Variants in SHPRH observed in about 807,000 individuals in gnomAD.
SHPRH encodes the protein SNF2 histone linker PHD RING helicase.
Under a neutral mutation model 202.5 loss-of-function variants are expected in SHPRH, and 106 were observed. That is an observed-to-expected ratio of 0.52 (90% CI 0.45 to 0.62). The LOEUF (loss-of-function observed/expected upper bound fraction) is 0.62. SHPRH is among the 20% of genes least tolerant of loss of function. The pLI is 0.00. For missense variants in SHPRH, 1,710 were observed against 2,020.0 expected (o/e 0.85, Z 2.94); for synonymous variants, 729 against 686.0 (o/e 1.06, Z -0.98).
At position 145,922,831 on chromosome 6, in the gene SHPRH, C is replaced by G. The variant is rs772273606; in HGVS notation, c.3551G>C (p.Arg1184Pro). 1 of 1,607,418 alleles carries G rather than the reference C, an allele frequency of 6.2e-7. No individual in the cohort carries two copies. The change falls in exon 19 of 30, where the codon CGT becomes CCT. Residue 1184 changes from arginine to proline, a missense_variant. Around this residue, in one of 8 missense-constraint regions of SHPRH, gnomAD observed 288 missense variants for 317.8 expected, o/e 0.91. Transcript: ENST00000275233. ...TGKLSMSEKF[R>P]DCRGLQFLLT... ...TAAGAACTGAAGACCTCTGCAATCA[C>G]GGAACCTGATTCCCACACCAGCACC...
intron 13 of SHPRH, among the ~76,000 whole-genome samples, chr6:145,933,919 T>C (rs942638227): frequency 7.9e-5 from 12 of 152,190 alleles, no homozygotes; most frequent in African/African-American, 2.9e-4. Flanking sequence ...AACGGTAATC[T>C]AACTCCCTGA....
intron 24 of SHPRH, among the ~76,000 whole-genome samples, chr6:145,912,652 T>C (rs975661042): frequency 1.6e-4 from 24 of 152,100 alleles, no homozygotes; most frequent in African/African-American, 7.2e-5. Flanking sequence ...GCAAATAAAG[T>C]ATTCTTGTGA....
At chr6:145,881,742 C>T (rs797002085), downstream of SHPRH, 3 of 151,698 alleles carry the variant, frequency 2.0e-5, no homozygotes, top group African/African-American at 7.3e-5. Flanking sequence ...AATACCTACA[C>T]ATACAGTTTC....
chr6:145,950,593 AGT>A (rs1385954133), intron 3 of SHPRH, 111 bp from the exon 4 acceptor site: 15 of 926,542 alleles, frequency 1.6e-5, no homozygotes, highest in African/African-American at 1.6e-5. Flanking sequence ...GGCCTTGCTC[AGT>A]GTGTTTTGTC....
chr6:145,942,464 A>C (rs1265886923), intron 9 of SHPRH, among the ~76,000 whole-genome samples: 1 of 152,228 alleles, frequency 6.6e-6, no homozygotes, highest in Non-Finnish European at 1.5e-5. Flanking sequence ...GAGCTTCTTA[A>C]CAGCAAAAAT....
intron 21 of SHPRH, among the ~76,000 whole-genome samples, chr6:145,920,446 A>T (rs1419114435): frequency 3.9e-5 from 6 of 152,118 alleles, no homozygotes; most frequent in Non-Finnish European, 8.8e-5. Flanking sequence ...TTGATGTTAT[A>T]AATGTATTCC....
downstream of SHPRH, among the ~76,000 whole-genome samples, chr6:145,881,325 G>T (rs528266267): frequency 6.6e-6 from 1 of 152,324 alleles, no homozygotes; most frequent in East Asian, 1.9e-4. Flanking sequence ...AGTTCCTCAT[G>T]GCTGGGGAGG....
At chr6:145,947,755 T>C (rs549218029) in intron 5 of SHPRH, 112 bp from the exon 6 acceptor site, 127 of 1,308,816 alleles carry the variant, frequency 9.7e-5, no homozygotes, top group East Asian at 1.3e-4. Context: ...TCTAAGTTTA[T>C]TGAAACTATA....
intron 1 of SHPRH, among the ~76,000 whole-genome samples, chr6:145,956,160 A>C (rs1192293458): frequency 6.6e-6 from 1 of 152,182 alleles, no homozygotes; most frequent in African/African-American, 2.4e-5. Flanking sequence ...TAAATAGAAC[A>C]TCAGAAACCT....
chr6:145,918,005 G>A (rs529637402), intron 23 of SHPRH, 126 bp downstream of exon 23: 2 of 573,114 alleles, frequency 3.5e-6, no homozygotes, highest in African/African-American at 3.9e-5. Context: ...GACATAGGTA[G>A]TGTTCTGACT....
At chr6:145,930,104 C>G (rs1269992360) in intron 14 of SHPRH, among the ~76,000 whole-genome samples, 2 of 152,120 alleles carry the variant, frequency 1.3e-5, no homozygotes, top group African/African-American at 2.4e-5. Context: ...TTGTCTAGAG[C>G]TATTTCTGCT....
rs1412282800 is a variant in SHPRH at position 145,885,647 on chromosome 6, A to C, written c.*1044T>G. On this transcript the variant is annotated 3_prime_UTR_variant, in exon 30 of 30. Transcript: ENST00000275233. ...ATTAATTCCTCACAGAAGAAGAAACACTTCGTTATTATCACTTGCAACGAT... is the reference window on the plus strand; with the variant it reads ...ATTAATTCCTCACAGAAGAAGAAACCCTTCGTTATTATCACTTGCAACGAT... 1 of 152,188 alleles carries C rather than the reference A, an allele frequency of 6.6e-6. No homozygotes were observed. The highest frequency in any genetic ancestry group is 1.5e-5 in the Non-Finnish European group (1 of 68,042). The allele number at this position is 152,188 out of a possible 1,614,324, so 9.4% of individuals were successfully genotyped here. A position where few individuals can be genotyped will look rare whatever the true frequency, so the allele number is the denominator to read the frequency against.
intron 6 of SHPRH, among the ~76,000 whole-genome samples, chr6:145,947,263 T>C (rs1156526448): frequency 6.6e-6 from 1 of 152,066 alleles, no homozygotes; most frequent in African/African-American, 2.4e-5. Context: ...GTTCAGTAAG[T>C]GATCACAAAT....
At chr6:145,862,446 C>CA (rs1053842941), downstream of SHPRH, among the ~76,000 whole-genome samples, 1 of 111,526 alleles carries the variant, frequency 9.0e-6, no homozygotes, top group Non-Finnish European at 1.9e-5. Context: ...AACAAAAAAA[C>CA]AAAAACAACA....
intron 11 of SHPRH, among the ~76,000 whole-genome samples, chr6:145,938,402 C>T (rs553639748): frequency 1.7e-4 from 26 of 152,240 alleles, no homozygotes; most frequent in African/African-American, 6.3e-4. Flanking sequence ...TTGTAGTTAT[C>T]CAGTCTGTGG....
chr6:145,942,275 G>A (rs192744884), intron 9 of SHPRH, among the ~76,000 whole-genome samples: 13 of 152,258 alleles, frequency 8.5e-5, no homozygotes, highest in African/African-American at 2.2e-4. Context: ...AACAATAAGA[G>A]CTATTATTTA....
intron 6 of SHPRH, 133 bp from the exon 7 acceptor site, chr6:145,946,474 A>G (rs751622251): frequency 8.6e-6 from 5 of 583,890 alleles, no homozygotes; most frequent in Non-Finnish European, 1.4e-5. Context: ...AGGGCCAAAT[A>G]GCTGTAGATA....
chr6:145,860,003 C>G (rs1220233529), downstream of SHPRH, among the ~76,000 whole-genome samples: 1 of 151,930 alleles, frequency 6.6e-6, no homozygotes, highest in Non-Finnish European at 1.5e-5. Context: ...ATATAATTGC[C>G]TATACTGCTA....
rs77696160 is a variant in SHPRH at position 145,921,652 on chromosome 6, C to T, written c.3783-260G>A. Among the ~76,000 whole-genome samples the T allele has an allele frequency of 5.5e-3, 827 of 151,316 alleles. 7 individuals are homozygous for T. Among genetic ancestry groups the T allele is most frequent in the African/African-American group, 0.019 (783 of 41,214 alleles). ...TTCTTCCTTGACATGCAGAAGTGAACGTTTGGCAAGGAAATATGTGAGGAA... is the reference window on the plus strand; with the variant it reads ...TTCTTCCTTGACATGCAGAAGTGAATGTTTGGCAAGGAAATATGTGAGGAA... On this transcript the variant is annotated intron_variant, in intron 20 of 29. Coordinates refer to ENST00000275233, the MANE Select transcript of SHPRH (RefSeq NM_001042683.3).
Sources: gnomAD v4.1 joint callset for allele counts (sites outside exome capture counted in the v4.1 genomes callset) on GRCh38, gnomAD v4.1.1 for gene constraint, gnomAD v4.1.1 regional missense constraint, MANE v1.5 for transcripts, NCBI Gene and HGNC (gene_info 2026-07-23, HGNC 2026-07-21) for gene names.